KCNQ1OT1: variants seen among roughly 807,000 people sequenced by gnomAD.
KCNQ1OT1 encodes KCNQ1 opposite strand/antisense transcript 1.
Position 2,624,412 on chromosome 11 carries a change from T to C in KCNQ1OT1, n.75583A>G. ...GTATGTTTTACAGAGCAGAAACTTT[T>C]ATTTTTAACAAAGTCTAGCTTATCA... On this transcript the variant is annotated non_coding_transcript_exon_variant, in exon 1 of 1. Transcript: ENST00000597346. The surrounding 1 kb of genome is among the most constrained non-coding windows in gnomAD (Gnocchi z 4.9). 2.5e-6 allele frequency: 1 copy of C among 398,522 alleles called. No homozygotes were observed. The highest frequency in any genetic ancestry group is 2.1e-5 in the African/African-American group (1 of 48,754). 24.7% of individuals were successfully genotyped at this position (398,522 alleles called of 1,614,324 possible).
exon 1 of KCNQ1OT1, chr11:2,696,928 C>A (rs150862154): frequency 5.0e-6 from 2 of 398,244 alleles, no homozygotes; most frequent in African/African-American, 4.1e-5. Context: ...TCCAAAACCT[C>A]TCTGAAATCT....
At position 2,613,737 on chromosome 11, in the gene KCNQ1OT1, C is replaced by A. The variant is rs188973037; in HGVS notation, n.86258G>T. The A allele has an allele frequency of 6.3e-4, 250 of 398,370 alleles. No homozygotes were observed. The highest frequency in any genetic ancestry group is 4.6e-3 in the African/African-American group (226 of 48,668). The allele number at this position is 398,370 out of a possible 1,614,324, so 24.7% of individuals were successfully genotyped here. Reference sequence around the variant, plus strand: ...ATAACATTAACATACTTCCAAAAGTCAATACTAAACAAAAGGAGCTACTGA... The same window carrying A: ...ATAACATTAACATACTTCCAAAAGTAAATACTAAACAAAAGGAGCTACTGA... On this transcript the variant is annotated non_coding_transcript_exon_variant, in exon 1 of 1. Transcript: ENST00000597346. The surrounding 1 kb of genome is among the most constrained non-coding windows in gnomAD (Gnocchi z 4.8).
chr11:2,625,243 AT>A (rs1032308664), exon 1 of KCNQ1OT1: 55 of 398,286 alleles, frequency 1.4e-4, no homozygotes, highest in African/African-American at 1.1e-3. Context: ...AGCAGTGGTT[AT>A]TTTCTGTTTA....
chr11:2,621,693 A>G lies in KCNQ1OT1; in HGVS notation n.78302T>C, dbSNP rs2157899. Reference sequence around the variant, plus strand: ...ATATAATTGTTCATAAAAGTCCCTTATGATCCTTTTTATTTCTGAAGTACC... The same window carrying G: ...ATATAATTGTTCATAAAAGTCCCTTGTGATCCTTTTTATTTCTGAAGTACC... On this transcript the variant is annotated non_coding_transcript_exon_variant, in exon 1 of 1. Transcript: ENST00000597346. This position sits in a 1 kb window ranked among gnomAD's most constrained non-coding sequence, Gnocchi z 5.7. 6,612 of 398,364 alleles carry G rather than the reference A, an allele frequency of 0.017. 360 individuals are homozygous for G. Among genetic ancestry groups the G allele is most frequent in the African/African-American group, 0.11 (5,572 of 48,674 alleles). 24.7% of individuals were successfully genotyped at this position (398,364 alleles called of 1,614,324 possible). A position where few individuals can be genotyped will look rare whatever the true frequency, so the allele number is the denominator to read the frequency against.
At position 2,698,750 on chromosome 11, in the gene KCNQ1OT1, A is replaced by G. The variant is rs1250104338; in HGVS notation, n.1245T>C. 2 of 398,766 alleles carry G rather than the reference A, an allele frequency of 5.0e-6. No homozygotes were observed. The highest frequency in any genetic ancestry group is 8.8e-6 in the Non-Finnish European group (2 of 226,136). The allele number at this position is 398,766 out of a possible 1,614,324, so 24.7% of individuals were successfully genotyped here. On this transcript the variant is annotated non_coding_transcript_exon_variant, in exon 1 of 1. Coordinates refer to ENST00000597346, the Ensembl canonical transcript of KCNQ1OT1. The surrounding 1 kb of genome is among the most constrained non-coding windows in gnomAD (Gnocchi z 5.1). The stretch of plus-strand genomic sequence containing the variant: ...TCGGACCTCCCTTGGATCTCAACTC[A>G]GAGCCATGATGCAGACTCCAGACCG...
chr11:2,640,806 CT>C lies in KCNQ1OT1; in HGVS notation n.59188del, dbSNP rs1589998858. 5.0e-6 allele frequency: 2 copies of C among 398,734 alleles called. No homozygotes were observed. Among genetic ancestry groups the C allele is most frequent in the Non-Finnish European group, 8.8e-6 (2 of 226,048 alleles). 24.7% of individuals were successfully genotyped at this position (398,734 alleles called of 1,614,324 possible). A position where few individuals can be genotyped will look rare whatever the true frequency, so the allele number is the denominator to read the frequency against. ...CTAACTAGCTGTGTATTTTTACCCA[CT>C]AACCAACCTCTCTTCACCCTCCAGA... On this transcript the variant is annotated non_coding_transcript_exon_variant, in exon 1 of 1. Coordinates refer to ENST00000597346, the Ensembl canonical transcript of KCNQ1OT1.
At position 2,611,098 on chromosome 11, in the gene KCNQ1OT1, A is replaced by G. The variant is rs1848973772; in HGVS notation, n.88897T>C. 7.5e-6 allele frequency: 3 copies of G among 398,260 alleles called. No individual in the cohort carries two copies. Among genetic ancestry groups the G allele is most frequent in the Admixed American group, 4.4e-5 (1 of 22,704 alleles). 24.7% of individuals were successfully genotyped at this position (398,260 alleles called of 1,614,324 possible). On this transcript the variant is annotated non_coding_transcript_exon_variant, in exon 1 of 1. Transcript: ENST00000597346. This position sits in a 1 kb window ranked among gnomAD's most constrained non-coding sequence, Gnocchi z 5.3. ...AGCTGTTATAAATTTTTATTTCTTT[A>G]TGACTTCTGTTTATGATTTCTATTT...
At chr11:2,681,808 C>G (rs2133881676) in exon 1 of KCNQ1OT1, 2 of 398,504 alleles carry the variant, frequency 5.0e-6, no homozygotes, top group East Asian at 7.1e-5. Flanking sequence ...CCTGCCTTCT[C>G]AGGTTATGGT....
In KCNQ1OT1 at chr11:2,660,410, T is replaced by G. The variant is rs938663685; in HGVS notation, n.39585A>C. 1.8e-5 allele frequency: 7 copies of G among 398,514 alleles called. No homozygotes were observed. In the Admixed American group the frequency reaches 2.2e-4, roughly 13 times the overall value. The allele number at this position is 398,514 out of a possible 1,614,324, so 24.7% of individuals were successfully genotyped here. ...TTCCTTTTTTATAAAGCAAAAGATG[T>G]ATCACTTTAAAAACATAAAACATTT... On this transcript the variant is annotated non_coding_transcript_exon_variant, in exon 1 of 1. Coordinates refer to ENST00000597346, the Ensembl canonical transcript of KCNQ1OT1.
chr11:2,668,325 GT>G lies in KCNQ1OT1; in HGVS notation n.31669del, dbSNP rs1476976573. On this transcript the variant is annotated non_coding_transcript_exon_variant, in exon 1 of 1. Transcript: ENST00000597346. This position sits in a 1 kb window ranked among gnomAD's most constrained non-coding sequence, Gnocchi z 4.3. ...GCGTTTCTGGGGAATATATGCCTAT[GT>G]GTGGAGCTGCAGGGTCCTGGGTGGG... 1 of 398,512 alleles carries G rather than the reference GT, an allele frequency of 2.5e-6. No homozygotes were observed. Among genetic ancestry groups the G allele is most frequent in the African/African-American group, 2.1e-5 (1 of 48,618 alleles). 24.7% of individuals were successfully genotyped at this position (398,512 alleles called of 1,614,324 possible).
At chr11:2,610,136 T>C (rs927269573) in exon 1 of KCNQ1OT1, 8 of 397,882 alleles carry the variant, frequency 2.0e-5, no homozygotes, top group South Asian at 2.5e-4. Flanking sequence ...CTTTCTAATA[T>C]AAATTTTCAT....
exon 1 of KCNQ1OT1, chr11:2,615,355 C>G (rs946111935): frequency 5.0e-6 from 2 of 397,904 alleles, no homozygotes; most frequent in Non-Finnish European, 4.4e-6. Flanking sequence ...AGTTTTACTG[C>G]TTCCTTTCCA....
Position 2,690,640 on chromosome 11 carries a change from T to C in KCNQ1OT1, n.9355A>G, listed in dbSNP as rs2283191. ...ATGTTCATATATGTGTCAGAATGCG[T>C]ATTTGTCAGTGTATGTGTGTCAGTG... is the stretch of plus-strand genomic sequence containing the variant. On this transcript the variant is annotated non_coding_transcript_exon_variant, in exon 1 of 1. Coordinates refer to ENST00000597346, the Ensembl canonical transcript of KCNQ1OT1. The surrounding 1 kb of genome is among the most constrained non-coding windows in gnomAD (Gnocchi z 5.1). 0.014 allele frequency: 5,749 copies of C among 398,542 alleles called. 201 individuals are homozygous for C. The highest frequency in any genetic ancestry group is 0.096 in the East Asian group (2,681 of 28,068). 24.7% of individuals were successfully genotyped at this position (398,542 alleles called of 1,614,324 possible).
chr11:2,662,135 G>A (rs1046515647), exon 1 of KCNQ1OT1: 11 of 1,611,294 alleles, frequency 6.8e-6, no homozygotes, highest in Admixed American at 6.7e-5. Flanking sequence ...GGAGCTCAAG[G>A]AGTCAGACTT....
In KCNQ1OT1 at chr11:2,645,915, T is replaced by G; in HGVS notation, n.54080A>C. On this transcript the variant is annotated non_coding_transcript_exon_variant, in exon 1 of 1. Coordinates refer to ENST00000597346, the Ensembl canonical transcript of KCNQ1OT1. The surrounding 1 kb of genome is among the most constrained non-coding windows in gnomAD (Gnocchi z 5.8). Reference sequence around the variant, plus strand: ...GGAGCTGTTCATTGCCATTTCACAGTCTGTAGGTAGCCTCTTGTTAGTCTC... The same window carrying G: ...GGAGCTGTTCATTGCCATTTCACAGGCTGTAGGTAGCCTCTTGTTAGTCTC... 1 of 398,598 alleles carries G rather than the reference T, an allele frequency of 2.5e-6. No individual in the cohort carries two copies. Among genetic ancestry groups the G allele is most frequent in the Non-Finnish European group, 4.4e-6 (1 of 226,066 alleles). The allele number at this position is 398,598 out of a possible 1,614,324, so 24.7% of individuals were successfully genotyped here. A position where few individuals can be genotyped will look rare whatever the true frequency, so the allele number is the denominator to read the frequency against.
rs577671868 is a variant in KCNQ1OT1, at chr11:2,627,265, A to G, written n.72730T>C. The G allele has an allele frequency of 5.0e-5, 20 of 398,520 alleles. No individual in the cohort carries two copies. The highest frequency in any genetic ancestry group is 2.9e-4 in the East Asian group (8 of 28,058). The allele number at this position is 398,520 out of a possible 1,614,324, so 24.7% of individuals were successfully genotyped here. ...GACCTACTGTGAAATGATTACTACA[A>G]TCAAGCCAATTAACATATACCTTAC... On this transcript the variant is annotated non_coding_transcript_exon_variant, in exon 1 of 1. Transcript: ENST00000597346. This position sits in a 1 kb window ranked among gnomAD's most constrained non-coding sequence, Gnocchi z 4.9.
chr11:2,681,014 T>C (rs994319793), exon 1 of KCNQ1OT1: 5 of 398,464 alleles, frequency 1.3e-5, no homozygotes, highest in African/African-American at 2.1e-5. Flanking sequence ...TCTTTTATTA[T>C]GAAAGCCTCC....
exon 1 of KCNQ1OT1, chr11:2,615,250 C>T: frequency 2.5e-6 from 1 of 398,070 alleles, no homozygotes; most frequent in Non-Finnish European, 4.4e-6. Context: ...AAATGTTGAA[C>T]ATGTACCCTG....
chr11:2,620,194 T>G lies in KCNQ1OT1; in HGVS notation n.79801A>C. ...TGTTGCTGCAAAGGACGTAAGTTCA[T>G]TCATGTATATATATATATTTTTTTT... On this transcript the variant is annotated non_coding_transcript_exon_variant, in exon 1 of 1. Transcript: ENST00000597346. The surrounding 1 kb of genome is among the most constrained non-coding windows in gnomAD (Gnocchi z 4.5). 1 of 360,634 alleles carries G rather than the reference T, an allele frequency of 2.8e-6. No homozygotes were observed. Among genetic ancestry groups the G allele is most frequent in the Non-Finnish European group, 4.8e-6 (1 of 210,198 alleles). 22.3% of individuals were successfully genotyped at this position (360,634 alleles called of 1,614,324 possible). A position where few individuals can be genotyped will look rare whatever the true frequency, so the allele number is the denominator to read the frequency against.
Sources: allele counts gnomAD v4.1 joint callset, GRCh38; gene constraint gnomAD v4.1.1; non-coding constraint Gnocchi (gnomAD v3.1); transcripts MANE v1.5; gene names NCBI Gene and HGNC (gene_info 2026-07-23, HGNC 2026-07-21).